The following FRYL variants were observed in gnomAD, a reference collection of about 807,000 sequenced individuals.
FRYL encodes FRY like transcription coactivator.
Under a neutral mutation model 351.2 loss-of-function variants are expected in FRYL, and 150 were observed. The observed-to-expected ratio is 0.43, with a 90% confidence interval of 0.37 to 0.49. The LOEUF (loss-of-function observed/expected upper bound fraction) is 0.49, where lower values mean the gene tolerates loss of function less well. Ranked by LOEUF, FRYL falls within the 20% of genes least tolerant of loss-of-function variation. FRYL has a pLI of 0.00. For missense variants in FRYL, 3,036 were observed against 3,619.3 expected (o/e 0.84, Z 4.13); for synonymous variants, 1,153 against 1,257.1 (o/e 0.92, Z 1.75).
chr4:48,609,121 T>G (rs1475640884), intron 8 of FRYL, 54 bp from the exon 9 acceptor site: 1 of 1,104,208 alleles, frequency 9.1e-7, no homozygotes, highest in African/African-American at 1.6e-5. Flanking sequence ...CTACAAACTC[T>G]CTTTCCTAAT....
rs538955360 is a variant in FRYL at position 48,614,689 on chromosome 4, A to G, written c.411+4585T>C. Among the ~76,000 whole-genome samples, 43 of 131,868 alleles carry G rather than the reference A, an allele frequency of 3.3e-4. No individual in the cohort carries two copies. The South Asian group carries it at 4.8e-3, about 15-fold the overall frequency. The allele number at this position is 131,868 out of a possible 152,430, so 86.5% of individuals were successfully genotyped here. A position where few individuals can be genotyped will look rare whatever the true frequency, so the allele number is the denominator to read the frequency against. ...GTGAGCCAAGATCAAACCATTGCAC[A>G]CTAGCCTGGGCAACAGAGTGAGACT... is the stretch of plus-strand genomic sequence containing the variant. On this transcript the variant is annotated intron_variant, in intron 7 of 63. Transcript: ENST00000358350.
At chr4:48,675,740 G>A (rs1322396937) in intron 3 of FRYL, among the ~76,000 whole-genome samples, 3 of 152,236 alleles carry the variant, frequency 2.0e-5, no homozygotes, top group African/African-American at 7.2e-5. Context: ...CACAGCACGG[G>A]ACTGGCAGGC....
At chr4:48,704,066 A>C (rs528548600) in intron 2 of FRYL, among the ~76,000 whole-genome samples, 1 of 152,324 alleles carries the variant, frequency 6.6e-6, no homozygotes, top group Admixed American at 6.5e-5. Flanking sequence ...AATGTGGAAC[A>C]ATCACTTATC....
intron 1 of FRYL, among the ~76,000 whole-genome samples, chr4:48,729,584 G>C (rs1770497941): frequency 6.6e-6 from 1 of 152,164 alleles, no homozygotes; most frequent in Non-Finnish European, 1.5e-5. Flanking sequence ...GCCACCGCTG[G>C]TGAAACCCAG....
At chr4:48,515,601 T>TA (rs1723410904) in intron 55 of FRYL, among the ~76,000 whole-genome samples, 1 of 152,144 alleles carries the variant, frequency 6.6e-6, no homozygotes, top group African/African-American at 2.4e-5. Flanking sequence ...CTCGATCTCT[T>TA]GACCTTGTGA....
chr4:48,774,425 C>T (rs1282601660), intron 1 of FRYL, among the ~76,000 whole-genome samples: 1 of 152,162 alleles, frequency 6.6e-6, no homozygotes, highest in African/African-American at 2.4e-5. Context: ...TTACATGGTC[C>T]CTTTCTTAAC....
intron 7 of FRYL, 114 bp from the exon 8 acceptor site, chr4:48,609,937 C>T: frequency 2.0e-6 from 1 of 489,258 alleles, no homozygotes; most frequent in Non-Finnish European, 3.6e-6. Flanking sequence ...GGGATTATTA[C>T]TAATCTGTCA....
Position 48,696,845 on chromosome 4 carries a change from GATCTATCTATCTATCT to G in FRYL, c.-203-12066_-203-12051del, listed in dbSNP as rs71660456. 1.5e-3 allele frequency among the ~76,000 whole-genome samples: 216 copies of G among 144,630 alleles called. 2 individuals carry two copies. Among genetic ancestry groups the G allele is most frequent in the African/African-American group, 3.8e-3 (148 of 39,342 alleles). The allele number at this position is 144,630 out of a possible 152,430, so 94.9% of individuals were successfully genotyped here. A position where few individuals can be genotyped will look rare whatever the true frequency, so the allele number is the denominator to read the frequency against. ...GTATAAAAGAAAAATAACGATAAGA[GATCTATCTATCTATCT>G]ATCTATCTATCTATCTATCTATCTA... On this transcript the variant is annotated intron_variant, in intron 2 of 63. Transcript: ENST00000358350.
chr4:48,527,338 TA>T, intron 53 of FRYL, 138 bp downstream of exon 53: 1 of 483,808 alleles, frequency 2.1e-6, no homozygotes, highest in Non-Finnish European at 3.6e-6. Flanking sequence ...CTAATTGTGG[TA>T]ATCAAATTTA....
chr4:48,603,673 G>T (rs974294866), intron 11 of FRYL, among the ~76,000 whole-genome samples: 1 of 152,066 alleles, frequency 6.6e-6, no homozygotes, highest in Admixed American at 6.5e-5. Context: ...GGCCCCTATG[G>T]AAAAACTCAA....
At chr4:48,670,603 ACTG>A (rs1191389867) in intron 3 of FRYL, among the ~76,000 whole-genome samples, 1 of 151,930 alleles carries the variant, frequency 6.6e-6, no homozygotes, top group Non-Finnish European at 1.5e-5. Flanking sequence ...TGATCTCATC[ACTG>A]CTTTTCCCAG....
At chr4:48,699,474 T>A (rs926356606) in intron 2 of FRYL, among the ~76,000 whole-genome samples, 1 of 152,230 alleles carries the variant, frequency 6.6e-6, no homozygotes, top group African/African-American at 2.4e-5. Flanking sequence ...TATCTTACTA[T>A]TTAAAGTTCA....
At position 48,590,834 on chromosome 4, in the gene FRYL, C is replaced by T. The variant is rs1253894504; in HGVS notation, c.1336-4G>A. ...CTCTGAGACCTATGTTCATTCTCTT[C>T]AAAGGAAAAAAATGCAAAAGGAAGA... is the stretch of plus-strand genomic sequence containing the variant. On this transcript the variant is annotated splice_region_variant and splice_polypyrimidine_tract_variant and intron_variant, in intron 16 of 63. Coordinates refer to ENST00000358350, the MANE Select transcript of FRYL (RefSeq NM_015030.2). 6.3e-7 allele frequency: 1 copy of T among 1,587,238 alleles called. No individual in the cohort carries two copies. The highest frequency in any genetic ancestry group is 2.2e-5 in the East Asian group (1 of 44,502).
chr4:48,560,574 C>G (rs1294451549), intron 33 of FRYL, among the ~76,000 whole-genome samples: 1 of 152,218 alleles, frequency 6.6e-6, no homozygotes, highest in African/African-American at 2.4e-5. Context: ...GCAAAAGCCT[C>G]TAGCAGCAGC....
At chr4:48,737,729 AT>A (rs1414485122) in intron 1 of FRYL, among the ~76,000 whole-genome samples, 2 of 152,210 alleles carry the variant, frequency 1.3e-5, no homozygotes, top group Non-Finnish European at 2.9e-5. Context: ...TCAACAAAAT[AT>A]GAGTATACTA....
rs754157776 is a variant in FRYL, at chr4:48,564,154, C to T, written c.3442-52G>A. The T allele has an allele frequency of 3.1e-6, 5 of 1,592,826 alleles. No homozygotes were observed. The South Asian group carries it at 4.5e-5, about 14-fold the overall frequency. ...AGAGAGAACGTTATATATTTTTTGT[C>T]TATTTCCCTATAGTTCTTACTAAAG... is the stretch of plus-strand genomic sequence containing the variant. On this transcript the variant is annotated intron_variant, in intron 30 of 63. Coordinates refer to ENST00000358350, the MANE Select transcript of FRYL (RefSeq NM_015030.2).
chr4:48,562,834 T>C (rs1735830632), intron 32 of FRYL, 55 bp downstream of exon 32: 14 of 975,602 alleles, frequency 1.4e-5, no homozygotes, highest in African/African-American at 1.6e-5. Context: ...GACTAAATTA[T>C]TGGGCTTCAT....
At chr4:48,501,085 C>CAAAA (rs35171463) in intron 62 of FRYL, among the ~76,000 whole-genome samples, 1 of 75,332 alleles carries the variant, frequency 1.3e-5, no homozygotes, top group Non-Finnish European at 2.5e-5. Flanking sequence ...GACTCTGCCT[C>CAAAA]AAAAAAAAAA....
At chr4:48,653,837 C>G in intron 3 of FRYL, 1 of 1,287,314 alleles carries the variant, frequency 7.8e-7, no homozygotes, top group Non-Finnish European at 1.0e-6. Flanking sequence ...GCAGCAGAAG[C>G]AGAAGCAGCA....
Sources: gnomAD v4.1 joint callset for allele counts (sites outside exome capture counted in the v4.1 genomes callset) on GRCh38, gnomAD v4.1.1 for gene constraint, MANE v1.5 for transcripts, NCBI Gene and HGNC (gene_info 2026-07-23, HGNC 2026-07-21) for gene names.